Variants in N4BP1 observed in about 807,000 individuals in gnomAD.
N4BP1 encodes the protein NEDD4-binding protein 1.
N4BP1 carries 21 observed loss-of-function variants against 70.9 expected under a neutral mutation model. That is an observed-to-expected ratio of 0.30 (90% CI 0.21 to 0.43). N4BP1 has a LOEUF of 0.43. Ranked by LOEUF, N4BP1 falls within the 20% of genes least tolerant of loss-of-function variation. N4BP1 has a pLI of 1.00. For synonymous variants in N4BP1, 387 were observed against 394.6 expected (o/e 0.98, Z 0.23); for missense variants, 936 against 1,069.4 (o/e 0.88, Z 1.74).
At chr16:48,594,245 G>A (rs1162815218) in intron 1 of N4BP1, among the ~76,000 whole-genome samples, 1 of 152,168 alleles carries the variant, frequency 6.6e-6, no homozygotes, top group East Asian at 1.9e-4. Flanking sequence ...TGTTTGGAAA[G>A]CTGAGTCTCC....
intron 4 of N4BP1, among the ~76,000 whole-genome samples, chr16:48,550,103 T>C (rs952398201): frequency 6.6e-6 from 1 of 152,222 alleles, no homozygotes; most frequent in Non-Finnish European, 1.5e-5. Context: ...TTCTGTTACT[T>C]ATGCACACGT....
Position 48,541,609 on chromosome 16 carries a change from C to G in N4BP1, c.*1295G>C, listed in dbSNP as rs1257595301. The G allele has an allele frequency of 1.3e-5, 2 of 152,378 alleles. No homozygotes were observed. Among genetic ancestry groups the G allele is most frequent in the Admixed American group, 6.5e-5 (1 of 15,276 alleles). 9.4% of individuals were successfully genotyped at this position (152,378 alleles called of 1,614,324 possible). ...CTCCTCAGGACTAGGAGACAAGATC[C>G]GGACAGGCAGGACAGGCAGCAAGCC... On this transcript the variant is annotated 3_prime_UTR_variant, in exon 7 of 7. Coordinates refer to ENST00000262384, the MANE Select transcript of N4BP1 (RefSeq NM_153029.4).
At position 48,548,081 on chromosome 16, in the gene N4BP1, G is replaced by A. The variant is rs1239009303; in HGVS notation, c.2151C>T (p.Gly717=). Residue 717 remains glycine (G), a synonymous_variant, in exon 5 of 7, where the codon GGC becomes GGT. Coordinates refer to ENST00000262384, the MANE Select transcript of N4BP1 (RefSeq NM_153029.4). The stretch of plus-strand genomic sequence containing the variant: ...TGAAATTATCATTTGTCACAATTAT[G>A]CCACCAGTTTTGTCCGCTAAGTGTA... ...FLLHLADKTG[G]IIVTNDNFRE... is the part of the protein sequence containing the mutation. 1 of 1,612,942 alleles carries A rather than the reference G, an allele frequency of 6.2e-7. No homozygotes were observed. The highest frequency in any genetic ancestry group is 1.7e-5 in the Admixed American group (1 of 60,016).
At chr16:48,550,762 A>G (rs532347704) in intron 4 of N4BP1, among the ~76,000 whole-genome samples, 4 of 152,024 alleles carry the variant, frequency 2.6e-5, no homozygotes, top group African/African-American at 7.2e-5. Flanking sequence ...AACTAAAAAT[A>G]CAAAAATTAG....
At chr16:48,597,585 C>T (rs1964435238) in intron 1 of N4BP1, among the ~76,000 whole-genome samples, 1 of 152,164 alleles carries the variant, frequency 6.6e-6, no homozygotes, top group African/African-American at 2.4e-5. Context: ...TTTGAAGACC[C>T]CCAGAGAGGA....
At chr16:48,551,560 A>AACACTCT in intron 3 of N4BP1, 78 bp from the exon 4 acceptor site, 4 of 1,031,672 alleles carry the variant, frequency 3.9e-6, no homozygotes. Context: ...AAGTACACTC[A>AACACTCT]AATGTTTCAC....
chr16:48,580,293 T>C (rs1964158150), intron 1 of N4BP1, among the ~76,000 whole-genome samples: 4 of 152,106 alleles, frequency 2.6e-5, no homozygotes, highest in African/African-American at 9.7e-5. Context: ...CACAAAAAAC[T>C]ATTATGAACA....
chr16:48,600,872 T>C (rs1470900188), intron 1 of N4BP1, among the ~76,000 whole-genome samples: 1 of 152,254 alleles, frequency 6.6e-6, no homozygotes, highest in Non-Finnish European at 1.5e-5. Context: ...ATTCTACTTA[T>C]AACTATAGAA....
At chr16:48,593,852 A>C (rs113619536) in intron 1 of N4BP1, among the ~76,000 whole-genome samples, 171 of 152,172 alleles carry the variant, frequency 1.1e-3, no homozygotes, top group African/African-American at 3.1e-3. Flanking sequence ...TCTACTAAAA[A>C]TTAGCCGGGT....
Position 48,561,382 on chromosome 16 carries a change from G to C in N4BP1, c.1261C>G (p.Leu421Val). ...NKGVYSSTNE[L>V]TTDSTPKKTQ... ...TTCTTTGGAGTGGAATCAGTTGTAA[G>C]CTCATTTGTGCTGCTATAAACACCT... Residue 421 changes from leucine to valine, a missense_variant, in exon 2 of 7, where the codon CTT becomes GTT. Transcript: ENST00000262384. The C allele has an allele frequency of 6.2e-7, 1 of 1,613,916 alleles. No individual in the cohort carries two copies. Among genetic ancestry groups the C allele is most frequent in the Non-Finnish European group, 8.5e-7 (1 of 1,179,864 alleles).
intron 1 of N4BP1, among the ~76,000 whole-genome samples, chr16:48,580,991 G>A (rs1016464318): frequency 3.3e-5 from 5 of 152,018 alleles, no homozygotes; most frequent in Admixed American, 6.6e-5. Context: ...TTTCATATCC[G>A]TGAGAGATCC....
chr16:48,609,238 C>G (rs891657304), intron 1 of N4BP1, among the ~76,000 whole-genome samples: 1 of 152,070 alleles, frequency 6.6e-6, no homozygotes, highest in Non-Finnish European at 1.5e-5. Flanking sequence ...AATAGGTAAA[C>G]ATAAATCCTT....
At chr16:48,544,428 G>T (rs190727187) in intron 6 of N4BP1, among the ~76,000 whole-genome samples, 1 of 152,192 alleles carries the variant, frequency 6.6e-6, no homozygotes, top group East Asian at 1.9e-4. Flanking sequence ...AGAGAGCTGT[G>T]TGTCTTCCTC....
At chr16:48,598,111 T>G (rs1419892121) in intron 1 of N4BP1, among the ~76,000 whole-genome samples, 1 of 152,220 alleles carries the variant, frequency 6.6e-6, no homozygotes, top group South Asian at 2.1e-4. Flanking sequence ...CATATGAGAC[T>G]GGCTTTAAAA....
At chr16:48,552,699 G>GAAAAAAAAAAAAAAAAAAAAAA (rs71134556) in intron 3 of N4BP1, among the ~76,000 whole-genome samples, 1 of 18,506 alleles carries the variant, frequency 5.4e-5, no homozygotes, top group African/African-American at 1.3e-4. Flanking sequence ...CTCCGTCTCA[G>GAAAAAAAAAAAAAAAAAAAAAA]AAAAAAAAAA....
Position 48,602,367 on chromosome 16 carries a change from T to C in N4BP1, c.198+7408A>G, listed in dbSNP as rs1026717840. The stretch of plus-strand genomic sequence containing the variant: ...CAAGACTGCTAATCTTCTATGATTA[T>C]ATCAATTTCATAAAAAGCCAACATA... On this transcript the variant is annotated intron_variant, in intron 1 of 6. Coordinates refer to ENST00000262384, the MANE Select transcript of N4BP1 (RefSeq NM_153029.4). 2.6e-5 allele frequency among the ~76,000 whole-genome samples: 4 copies of C among 152,242 alleles called. No homozygotes were observed. The South Asian group carries it at 6.2e-4, about 24-fold the overall frequency.
Position 48,543,133 on chromosome 16 carries a change from C to T in N4BP1, c.2462G>A (p.Ser821Asn). Residue 821 changes from serine to asparagine, a missense_variant, in exon 7 of 7, where the codon AGC (serine) becomes AAC (asparagine). Physicochemically the swap from Ser to Asn is conservative, Grantham distance 46. Coordinates refer to ENST00000262384, the MANE Select transcript of N4BP1 (RefSeq NM_153029.4). ...GTGGGGCTGCTGAGGGAGCCAGTGG[C>T]TTGAAGGGGCTCCCTGAATCCGGGT... ...PPTRIQGAPS[S>N]HWLPQQPHFP... 3 of 1,607,912 alleles carry T rather than the reference C, an allele frequency of 1.9e-6. No homozygotes were observed. The highest frequency in any genetic ancestry group is 2.2e-5 in the East Asian group (1 of 44,672).
chr16:48,596,586 T>C (rs1367206461), intron 1 of N4BP1, among the ~76,000 whole-genome samples: 1 of 152,158 alleles, frequency 6.6e-6, no homozygotes, highest in Non-Finnish European at 1.5e-5. Flanking sequence ...AAACTGTAAC[T>C]GAGGAAATTA....
At chr16:48,584,673 G>T (rs2092431482) in intron 1 of N4BP1, among the ~76,000 whole-genome samples, 1 of 151,794 alleles carries the variant, frequency 6.6e-6, no homozygotes, top group African/African-American at 2.4e-5. Context: ...GACTTGGGAG[G>T]GTGAGGCAGG....
Sources: allele counts gnomAD v4.1 joint callset (sites outside exome capture counted in the v4.1 genomes callset), GRCh38; gene constraint gnomAD v4.1.1; transcripts MANE v1.5; gene names NCBI Gene and HGNC (gene_info 2026-07-23, HGNC 2026-07-21).